FRMD4A: variants seen among roughly 807,000 people sequenced by gnomAD.
FRMD4A encodes FERM domain containing 4A, also known as FERM domain-containing protein 4A.
In FRMD4A, 29 loss-of-function variants were observed where a neutral mutation model predicts 129.1. The ratio of observed to expected loss-of-function variants is 0.22; its 90% confidence interval spans 0.17 to 0.31. The LOEUF (loss-of-function observed/expected upper bound fraction) is 0.31. Among genes scored for constraint, FRMD4A ranks in the 10% least tolerant of loss-of-function variants. FRMD4A has a pLI of 1.00. For synonymous variants in FRMD4A, 634 were observed against 571.6 expected, an observed-to-expected ratio of 1.11 and a Z score of -1.56; for missense variants, 1,272 against 1,375.8, an observed-to-expected ratio of 0.92 and a Z score of 1.19.
chr10:13,954,381 G>A (rs537570427), intron 2 of FRMD4A, among the ~76,000 whole-genome samples: 17 of 152,276 alleles, frequency 1.1e-4, no homozygotes, highest in South Asian at 2.1e-4. Context: ...AAGAGAGAGC[G>A]TGTGCGGGGG....
chr10:13,938,552 G>A (rs529230354), intron 2 of FRMD4A, among the ~76,000 whole-genome samples: 11 of 152,018 alleles, frequency 7.2e-5, no homozygotes, highest in Non-Finnish European at 1.3e-4. Flanking sequence ...CTCTTATTGT[G>A]GTTTTATATG....
intron 2 of FRMD4A, among the ~76,000 whole-genome samples, chr10:13,963,910 C>T (rs1234062472): frequency 6.6e-6 from 1 of 152,126 alleles, no homozygotes; most frequent in East Asian, 1.9e-4. Flanking sequence ...TCCTCAAATT[C>T]CTAACACATG....
chr10:13,874,869 G>C (rs1008616090), intron 2 of FRMD4A, among the ~76,000 whole-genome samples: 1 of 152,168 alleles, frequency 6.6e-6, no homozygotes, highest in African/African-American at 2.4e-5. Flanking sequence ...ATGTGATTTT[G>C]CTCCTATACT....
intron 2 of FRMD4A, among the ~76,000 whole-genome samples, chr10:14,024,092 A>T (rs575644958): frequency 1.4e-4 from 22 of 152,308 alleles, no homozygotes; most frequent in Admixed American, 5.9e-4. Flanking sequence ...CACCCTATTC[A>T]TTCAGATTTC....
chr10:14,071,001 C>T (rs1293837069), intron 2 of FRMD4A, among the ~76,000 whole-genome samples: 1 of 152,204 alleles, frequency 6.6e-6, no homozygotes, highest in South Asian at 2.1e-4. Flanking sequence ...GCCAGTGAAT[C>T]TTCAGTAAGT....
At chr10:13,952,717 G>A (rs1353926943) in intron 2 of FRMD4A, among the ~76,000 whole-genome samples, 2 of 151,806 alleles carry the variant, frequency 1.3e-5, no homozygotes, top group East Asian at 3.9e-4. Flanking sequence ...TTTTTGAGAT[G>A]GAGTCTCACT....
chr10:14,108,409 A>G (rs7068764), intron 2 of FRMD4A, among the ~76,000 whole-genome samples: 1,619 of 152,308 alleles, frequency 0.011, 24 homozygotes, highest in African/African-American at 0.036. Flanking sequence ...CTACTTTAGG[A>G]CAGCACACTT....
chr10:13,949,301 C>CAAAA (rs34006963), intron 2 of FRMD4A, among the ~76,000 whole-genome samples: 34 of 98,712 alleles, frequency 3.4e-4, no homozygotes, highest in African/African-American at 1.5e-3. Context: ...TTCTAGTGAT[C>CAAAA]AAAAAAAAAA....
chr10:13,865,519 T>C (rs2094355755), intron 2 of FRMD4A, among the ~76,000 whole-genome samples: 1 of 151,486 alleles, frequency 6.6e-6, no homozygotes, highest in South Asian at 2.1e-4. Context: ...GGTGCTATCA[T>C]AGCTCACTGC....
chr10:13,875,537 C>T (rs574924667), intron 2 of FRMD4A, among the ~76,000 whole-genome samples: 8 of 152,254 alleles, frequency 5.3e-5, no homozygotes, highest in East Asian at 3.9e-4. Flanking sequence ...GTACTCTTCA[C>T]GCACGTGCTA....
At chr10:13,958,279 T>C (rs890655745) in intron 2 of FRMD4A, among the ~76,000 whole-genome samples, 5 of 113,006 alleles carry the variant, frequency 4.4e-5, no homozygotes, top group Non-Finnish European at 1.7e-5. Context: ...GCCATGACCA[T>C]TGTTTTTTTT....
intron 2 of FRMD4A, among the ~76,000 whole-genome samples, chr10:14,094,037 G>T (rs559017497): frequency 6.6e-6 from 1 of 152,214 alleles, no homozygotes; most frequent in Non-Finnish European, 1.5e-5. Context: ...CGAAAAGGCC[G>T]TGGCAAGGAC....
At chr10:14,253,799 C>T (rs759352052) in intron 2 of FRMD4A, among the ~76,000 whole-genome samples, 6 of 152,126 alleles carry the variant, frequency 3.9e-5, no homozygotes, top group East Asian at 3.8e-4. Flanking sequence ...GGACCAAGGA[C>T]GGGGTGAAGT....
intron 14 of FRMD4A, among the ~76,000 whole-genome samples, chr10:13,694,615 G>A (rs11258532): frequency 0.37 from 56,138 of 152,088 alleles, 11,028 homozygotes; most frequent in Middle Eastern, 0.49. Flanking sequence ...ATGTGGTCAT[G>A]GAAAGTTTAG....
chr10:14,012,763 C>A (rs2095686590), intron 2 of FRMD4A, among the ~76,000 whole-genome samples: 1 of 152,174 alleles, frequency 6.6e-6, no homozygotes, highest in Non-Finnish European at 1.5e-5. Flanking sequence ...GATGAGCCGG[C>A]CTCAACTATT....
intron 2 of FRMD4A, among the ~76,000 whole-genome samples, chr10:14,066,008 TTG>T (rs61167438): frequency 0.016 from 2,176 of 139,180 alleles, 65 homozygotes; most frequent in African/African-American, 0.054. Context: ...GGGTATGTAT[TTG>T]TGTGTGTGTG....
At chr10:13,951,544 C>T (rs1183072462) in intron 2 of FRMD4A, among the ~76,000 whole-genome samples, 3 of 152,008 alleles carry the variant, frequency 2.0e-5, no homozygotes, top group East Asian at 3.9e-4. Flanking sequence ...AGCCACATTT[C>T]GGGGAGTTGT....
chr10:13,875,797 C>A (rs1042687211), intron 2 of FRMD4A, among the ~76,000 whole-genome samples: 1 of 152,192 alleles, frequency 6.6e-6, no homozygotes, highest in Non-Finnish European at 1.5e-5. Flanking sequence ...GACCATACAA[C>A]CTACTGGCCA....
At chr10:13,726,608 A>AAGT (rs1329233635) in intron 12 of FRMD4A, among the ~76,000 whole-genome samples, 2 of 152,124 alleles carry the variant, frequency 1.3e-5, no homozygotes, top group Non-Finnish European at 2.9e-5. Context: ...CTGAGCTCGT[A>AAGT]AGTCTCAGGC....
Sources: allele counts gnomAD v4.1 joint callset (sites outside exome capture counted in the v4.1 genomes callset), GRCh38; gene constraint gnomAD v4.1.1; transcripts MANE v1.5; gene names NCBI Gene and HGNC (gene_info 2026-07-23, HGNC 2026-07-21).